Variants in FABP12 observed in about 807,000 individuals in gnomAD.
FABP12 encodes fatty acid-binding protein 12.
FABP12 carries 19 observed loss-of-function variants against 13.7 expected under a neutral mutation model. The ratio of observed to expected loss-of-function variants is 1.39; its 90% CI spans 0.97 to 2.04. The LOEUF is 2.04. Ranked by LOEUF, FABP12 falls within the 30% of genes most tolerant of loss-of-function variation. The probability of loss-of-function intolerance (pLI) is 0.00; values close to 1 mark genes in which losing one functional copy is unlikely to be tolerated. For synonymous variants in FABP12, 61 were observed against 57.0 expected (o/e 1.07, Z -0.32); for missense variants, 182 against 164.2 (o/e 1.11, Z -0.59).
intron 1 of FABP12, 96 bp from the exon 2 acceptor site, chr8:81,531,486 T>C: frequency 3.7e-6 from 2 of 540,878 alleles, no homozygotes; most frequent in East Asian, 3.1e-5. Context: ...TTGAGTATCA[T>C]CTAAAGCAGA....
At chr8:81,589,995 TC>T (rs1270980130) in intron 1 of FABP12, among the ~76,000 whole-genome samples, 7 of 152,236 alleles carry the variant, frequency 4.6e-5, no homozygotes, top group African/African-American at 1.7e-4. Flanking sequence ...AAAAGGCATT[TC>T]TAAAATTGTT....
At chr8:81,577,359 T>C (rs569450462) in intron 1 of FABP12, among the ~76,000 whole-genome samples, 1 of 152,198 alleles carries the variant, frequency 6.6e-6, no homozygotes, top group Admixed American at 6.5e-5. Flanking sequence ...CCCAAGAATA[T>C]GTTGTATTAA....
intron 1 of FABP12, among the ~76,000 whole-genome samples, chr8:81,569,834 G>A (rs1809891842): frequency 6.6e-6 from 1 of 152,186 alleles, no homozygotes; most frequent in African/African-American, 2.4e-5. Flanking sequence ...TTGGGGTGTT[G>A]CTTTTCTGGC....
At chr8:81,525,547 TA>T (rs199503679) in intron 4 of FABP12, among the ~76,000 whole-genome samples, 9,462 of 148,282 alleles carry the variant, frequency 0.064, 513 homozygotes, top group African/African-American at 0.15. Context: ...GATAGATAGA[TA>T]GATAGATGAT....
At chr8:81,568,047 C>T (rs967791456) in intron 1 of FABP12, among the ~76,000 whole-genome samples, 3 of 151,072 alleles carry the variant, frequency 2.0e-5, no homozygotes, top group Non-Finnish European at 2.9e-5. Flanking sequence ...GGCGTGAACC[C>T]GGGAAGCGGA....
At chr8:81,578,634 C>T (rs1324213840) in intron 1 of FABP12, among the ~76,000 whole-genome samples, 5 of 151,170 alleles carry the variant, frequency 3.3e-5, no homozygotes, top group Non-Finnish European at 5.9e-5. Context: ...TACAGGCACA[C>T]GCCACCATGC....
chr8:81,579,381 A>G (rs1174166354), intron 1 of FABP12, among the ~76,000 whole-genome samples: 2 of 152,132 alleles, frequency 1.3e-5, no homozygotes, highest in Non-Finnish European at 2.9e-5. Context: ...CCCATTACCA[A>G]AATAGGGAAA....
intron 2 of FABP12, among the ~76,000 whole-genome samples, chr8:81,530,504 T>G (rs1563542979): frequency 6.6e-6 from 1 of 152,204 alleles, no homozygotes; most frequent in Non-Finnish European, 1.5e-5. Context: ...TTACATATAC[T>G]GCAATACCTA....
In FABP12 at chr8:81,569,254, A is replaced by G. The variant is rs1330171644; in HGVS notation, c.-185+20799T>C. On this transcript the variant is annotated intron_variant, in intron 1 of 5. Coordinates refer to the FABP12 transcript ENST00000692030. ...TATATCTGATATATACCCACATAAA[A>G]ATTTTTCAAAAAGTATTTGTGTTTA... Among the ~76,000 whole-genome samples, 7 of 152,280 alleles carry G rather than the reference A, an allele frequency of 4.6e-5. No individual in the cohort carries two copies. In the East Asian group the frequency reaches 1.3e-3, roughly 29 times the overall value.
At chr8:81,584,242 G>C (rs763901794) in intron 1 of FABP12, among the ~76,000 whole-genome samples, 2 of 152,180 alleles carry the variant, frequency 1.3e-5, no homozygotes, top group East Asian at 3.9e-4. Flanking sequence ...GATTTGACTA[G>C]AGTGTCAAAG....
chr8:81,551,649 T>C (rs898751042), intron 1 of FABP12, among the ~76,000 whole-genome samples: 1 of 152,102 alleles, frequency 6.6e-6, no homozygotes, highest in African/African-American at 2.4e-5. Flanking sequence ...AAGAGACACT[T>C]AAACCAAAAC....
At chr8:81,553,370 C>T (rs902073605) in intron 1 of FABP12, among the ~76,000 whole-genome samples, 2 of 152,124 alleles carry the variant, frequency 1.3e-5, no homozygotes, top group African/African-American at 4.8e-5. Flanking sequence ...TGTTTTCAAC[C>T]TAACGAAGAT....
At chr8:81,565,115 G>T (rs1809793592) in intron 1 of FABP12, among the ~76,000 whole-genome samples, 1 of 151,682 alleles carries the variant, frequency 6.6e-6, no homozygotes, top group African/African-American at 2.4e-5. Flanking sequence ...ATGATAAAGG[G>T]GCCAATTCAG....
At chr8:81,580,914 T>C (rs1010370634) in intron 1 of FABP12, among the ~76,000 whole-genome samples, 1 of 146,964 alleles carries the variant, frequency 6.8e-6, no homozygotes, top group African/African-American at 2.4e-5. Context: ...TCCTATTGTG[T>C]AAGACTCGGG....
At chr8:81,582,919 A>G (rs539687374) in intron 1 of FABP12, among the ~76,000 whole-genome samples, 1 of 152,342 alleles carries the variant, frequency 6.6e-6, no homozygotes, top group South Asian at 2.1e-4. Context: ...TTCTCAGTAC[A>G]TGGGAGATTC....
At chr8:81,572,635 G>T (rs561396813) in intron 1 of FABP12, among the ~76,000 whole-genome samples, 7 of 151,886 alleles carry the variant, frequency 4.6e-5, no homozygotes, top group African/African-American at 7.2e-5. Context: ...TTGATTTTTT[G>T]ATTATGGCCA....
At position 81,527,132 on chromosome 8, in the gene FABP12, G is replaced by A; in HGVS notation, c.247-11C>T. 1 of 1,481,912 alleles carries A rather than the reference G, an allele frequency of 6.7e-7. No individual in the cohort carries two copies. Among genetic ancestry groups the A allele is most frequent in the Admixed American group, 1.9e-5 (1 of 52,322 alleles). 91.8% of individuals were successfully genotyped at this position (1,481,912 alleles called of 1,614,324 possible). The stretch of plus-strand genomic sequence containing the variant: ...TAAGGTTACTTTACTCTGAAAAACA[G>A]AAAAAACTAAATTCAGATCAGCTTG... On this transcript the variant is annotated splice_polypyrimidine_tract_variant and intron_variant, in intron 3 of 4. Coordinates refer to ENST00000360464, the Ensembl canonical transcript of FABP12.
At chr8:81,552,874 A>AG (rs1809544077) in intron 1 of FABP12, among the ~76,000 whole-genome samples, 1 of 152,092 alleles carries the variant, frequency 6.6e-6, no homozygotes, top group African/African-American at 2.4e-5. Flanking sequence ...TTACTGAGAG[A>AG]GGAAGGAAAA....
intron 1 of FABP12, among the ~76,000 whole-genome samples, chr8:81,576,551 T>A (rs1810050681): frequency 6.6e-6 from 1 of 152,058 alleles, no homozygotes; most frequent in Non-Finnish European, 1.5e-5. Flanking sequence ...CTATATATAC[T>A]GTTCTGCACC....
Sources: allele counts gnomAD v4.1 joint callset (sites outside exome capture counted in the v4.1 genomes callset), GRCh38; gene constraint gnomAD v4.1.1; transcripts MANE v1.5; gene names NCBI Gene and HGNC (gene_info 2026-07-23, HGNC 2026-07-21).